Variants in CNOT1 observed in about 807,000 individuals in gnomAD.
CNOT1 encodes the protein CCR4-associated factor 1.
CNOT1 carries 15 observed loss-of-function variants against 273.8 expected under a neutral mutation model. The observed-to-expected ratio is 0.05, with a 90% CI of 0.04 to 0.08. CNOT1 has a LOEUF of 0.08. Among genes scored for constraint, CNOT1 ranks in the 10% least tolerant of loss-of-function variants. The pLI is 1.00. For missense variants in CNOT1, 1,644 were observed against 2,912.2 expected (o/e 0.56, Z 10.02); for synonymous variants, 1,022 against 1,005.5 (o/e 1.02, Z -0.31).
At chr16:58,571,410 A>G (rs1453775153) in intron 16 of CNOT1, among the ~76,000 whole-genome samples, 1 of 151,968 alleles carries the variant, frequency 6.6e-6, no homozygotes, top group South Asian at 2.1e-4. Context: ...ACAAAAAAAA[A>G]TTAGCTGGAA....
Position 58,532,344 on chromosome 16 carries a change from T to A in CNOT1, c.5947A>T (p.Ser1983Cys). ...VLLQDHDVRQ[S>C]EFQQLPYHRI... The stretch of plus-strand genomic sequence containing the variant: ...TGGTAGGGAAGTTGCTGAAATTCAC[T>A]CTGACGAACATCATGATCCTGAAGG... The change falls in exon 41 of 49, where the codon AGT becomes TGT. Residue 1983 changes from serine to cysteine, a missense_variant. Ser to Cys is a moderately radical substitution (Grantham distance 112, BLOSUM62 -1). Transcript: ENST00000317147. The A allele has an allele frequency of 6.2e-7, 1 of 1,614,190 alleles. No homozygotes were observed. Among genetic ancestry groups the A allele is most frequent in the Non-Finnish European group, 8.5e-7 (1 of 1,180,040 alleles).
Position 58,587,842 on chromosome 16 carries a change from T to G in CNOT1, c.247A>C (p.Thr83Pro). 6.2e-7 allele frequency: 1 copy of G among 1,613,804 alleles called. No homozygotes were observed. Among genetic ancestry groups the G allele is most frequent in the Non-Finnish European group, 8.5e-7 (1 of 1,180,022 alleles). ...AGCGTCGAGATAAAATTTGGCTTTG[T>G]AATCAGCAACGCACACTCCTGAATC... ...FLIQECALLI[T>P]KPNFISTLSY... Residue 83 changes from threonine to proline, a missense_variant, in exon 4 of 49, where the codon ACA becomes CCA. Thr to Pro is a conservative substitution (Grantham distance 38). This residue lies in a region of CNOT1 where 706 missense variants were observed against 1,021.2 expected (regional missense o/e 0.69). Coordinates refer to ENST00000317147, the MANE Select transcript of CNOT1 (RefSeq NM_016284.5).
chr16:58,524,715 C>T (rs2039527523), intron 46 of CNOT1, among the ~76,000 whole-genome samples: 1 of 152,018 alleles, frequency 6.6e-6, no homozygotes, highest in Admixed American at 6.6e-5. Context: ...TGAAATGTAG[C>T]TCAAGCAGAA....
intron 1 of CNOT1, among the ~76,000 whole-genome samples, chr16:58,602,916 C>T (rs567985778): frequency 2.0e-5 from 3 of 152,260 alleles, no homozygotes; most frequent in East Asian, 1.9e-4. Context: ...GTCTTCCCCC[C>T]ACTTAATGAT....
intron 1 of CNOT1, among the ~76,000 whole-genome samples, chr16:58,605,135 C>A (rs2042626411): frequency 1.3e-5 from 2 of 151,940 alleles, no homozygotes; most frequent in South Asian, 4.2e-4. Flanking sequence ...GACTCCGTCT[C>A]AAAACAAAAA....
chr16:58,531,504 G>A (rs1281120969), intron 42 of CNOT1, among the ~76,000 whole-genome samples: 1 of 140,358 alleles, frequency 7.1e-6, no homozygotes, highest in African/African-American at 2.5e-5. Context: ...CGCATTTAAA[G>A]TGAGAGTCTG....
intron 16 of CNOT1, among the ~76,000 whole-genome samples, chr16:58,573,070 G>T (rs1345828360): frequency 1.3e-5 from 2 of 151,826 alleles, no homozygotes; most frequent in Non-Finnish European, 1.5e-5. Flanking sequence ...ACTTTGGGAG[G>T]CTGAGGTGGC....
chr16:58,555,233 G>A lies in CNOT1; in HGVS notation c.2891+18C>T. The A allele has an allele frequency of 1.2e-6, 2 of 1,611,996 alleles. No individual in the cohort carries two copies. The highest frequency in any genetic ancestry group is 1.1e-5 in the South Asian group (1 of 90,894). ...GGGGTCAGGGAAGAGATCCTTCACA[G>A]GAAACCTATCCACTTACCTGTTTTT... On this transcript the variant is annotated intron_variant, in intron 21 of 48. Coordinates refer to ENST00000317147, the MANE Select transcript of CNOT1 (RefSeq NM_016284.5).
At chr16:58,566,789 AC>A (rs1405979496) in intron 16 of CNOT1, among the ~76,000 whole-genome samples, 2 of 152,048 alleles carry the variant, frequency 1.3e-5, no homozygotes, top group Non-Finnish European at 2.9e-5. Context: ...ATGCGCCACC[AC>A]GCCTGGCTAA....
At chr16:58,524,335 TTA>T (rs1246890843) in intron 46 of CNOT1, among the ~76,000 whole-genome samples, 1 of 151,756 alleles carries the variant, frequency 6.6e-6, no homozygotes, top group Non-Finnish European at 1.5e-5. Flanking sequence ...CACATTTTGA[TTA>T]GTCTAAACTA....
Position 58,558,476 on chromosome 16 carries a change from G to A in CNOT1, c.2329C>T (p.Pro777Ser). 6.2e-7 allele frequency: 1 copy of A among 1,613,928 alleles called. No individual in the cohort carries two copies. The highest frequency in any genetic ancestry group is 8.5e-7 in the Non-Finnish European group (1 of 1,179,986). The change falls in exon 18 of 49, where the codon CCA (proline) becomes TCA (serine). Residue 777 changes from proline to serine, a missense_variant. Pro to Ser is a moderately conservative substitution (Grantham distance 74). This residue lies in a region of CNOT1 where 706 missense variants were observed against 1,021.2 expected (regional missense o/e 0.69). Transcript: ENST00000317147. The part of the protein sequence containing the change: ...SGIGGLSSQL[P>S]VGGLGTGSLT... ...CTCTCATTTGCCTCCCCCTTACCTGGAAGCTGTGATGAAAGTCCTCCAATA... is the reference window on the plus strand; with the variant it reads ...CTCTCATTTGCCTCCCCCTTACCTGAAAGCTGTGATGAAAGTCCTCCAATA...
intron 36 of CNOT1, 61 bp downstream of exon 36, chr16:58,538,711 T>C (rs1265299653): frequency 6.2e-7 from 1 of 1,600,062 alleles, no homozygotes; most frequent in African/African-American, 1.3e-5. Flanking sequence ...TAAACAGTAC[T>C]ATCTATGTCA....
chr16:58,609,525 ATGATCATGGC>A (rs1399365097), intron 1 of CNOT1, among the ~76,000 whole-genome samples: 1 of 152,126 alleles, frequency 6.6e-6, no homozygotes, highest in Non-Finnish European at 1.5e-5. Flanking sequence ...GTGCAATGGC[ATGATCATGGC>A]TGATGCAGCC....
At chr16:58,584,350 T>C (rs1171096861) in intron 8 of CNOT1, among the ~76,000 whole-genome samples, 1 of 151,988 alleles carries the variant, frequency 6.6e-6, no homozygotes, top group Non-Finnish European at 1.5e-5. Flanking sequence ...CGCTTTTTTT[T>C]GACGAAGTCT....
chr16:58,626,156 C>T (rs1846233938), intron 1 of CNOT1, among the ~76,000 whole-genome samples: 2 of 152,030 alleles, frequency 1.3e-5, no homozygotes, highest in South Asian at 4.1e-4. Context: ...GCCTGTAATC[C>T]CAGCACTTCG....
At chr16:58,570,260 A>G (rs1056196630) in intron 16 of CNOT1, among the ~76,000 whole-genome samples, 1 of 152,216 alleles carries the variant, frequency 6.6e-6, no homozygotes, top group South Asian at 2.1e-4. Flanking sequence ...ATGAAAAAAC[A>G]CTGAACACTG....
intron 17 of CNOT1, chr16:58,559,676 T>G (rs1281992126): frequency 1.9e-5 from 7 of 368,566 alleles, no homozygotes; most frequent in Non-Finnish European, 3.4e-5. Flanking sequence ...AGCCACTGAA[T>G]CACTAACTTT....
chr16:58,525,938 A>G, intron 45 of CNOT1, 51 bp downstream of exon 45: 2 of 1,539,814 alleles, frequency 1.3e-6, no homozygotes, highest in African/African-American at 1.4e-5. Context: ...CCATACATAG[A>G]AAGTGCTTTA....
At chr16:58,564,675 T>C (rs2040977529) in intron 16 of CNOT1, among the ~76,000 whole-genome samples, 1 of 152,156 alleles carries the variant, frequency 6.6e-6, no homozygotes, top group Admixed American at 6.6e-5. Flanking sequence ...GTTTCAAACT[T>C]AGAAGTGGCA....
Sources: gnomAD v4.1 joint callset for allele counts (sites outside exome capture counted in the v4.1 genomes callset) on GRCh38, gnomAD v4.1.1 for gene constraint, gnomAD v4.1.1 regional missense constraint, MANE v1.5 for transcripts, NCBI Gene and HGNC (gene_info 2026-07-23, HGNC 2026-07-21) for gene names.